APH1B: variants seen among roughly 807,000 people sequenced by gnomAD.
The protein encoded by APH1B is gamma-secretase subunit APH-1B.
A neutral mutation model predicts 28.2 loss-of-function variants in APH1B; 27 were observed. That is an observed-to-expected ratio of 0.96 (90% CI 0.70 to 1.32). The LOEUF (loss-of-function observed/expected upper bound fraction) is 1.32, where lower values mean the gene tolerates loss of function less well. APH1B is among the 40% of genes most tolerant of loss of function. APH1B has a pLI of 0.00. For missense variants in APH1B, 305 were observed against 313.6 expected, an observed-to-expected ratio of 0.97 and a Z score of 0.21; for synonymous variants, 141 against 124.6, an observed-to-expected ratio of 1.13 and a Z score of -0.88.
At position 63,309,095 on chromosome 15, in the gene APH1B, T is replaced by C. The variant is rs1255472467; in HGVS notation, c.*3314T>C. ...CTCTTTGCAGACCTGCATTTTTCAGTGAACAATAAAAAGATTGTCTGGCAC... is the reference window on the plus strand; with the variant it reads ...CTCTTTGCAGACCTGCATTTTTCAGCGAACAATAAAAAGATTGTCTGGCAC... On this transcript the variant is annotated 3_prime_UTR_variant, in exon 6 of 6. Coordinates refer to ENST00000261879, the MANE Select transcript of APH1B (RefSeq NM_031301.4). The C allele has an allele frequency of 6.6e-6, 1 of 152,230 alleles. No individual in the cohort carries two copies. The highest frequency in any genetic ancestry group is 1.5e-5 in the Non-Finnish European group (1 of 68,034). The allele number at this position is 152,230 out of a possible 1,614,324, so 9.4% of individuals were successfully genotyped here. A position where few individuals can be genotyped will look rare whatever the true frequency, so the allele number is the denominator to read the frequency against.
intron 2 of APH1B, among the ~76,000 whole-genome samples, chr15:63,280,252 A>G (rs1449619507): frequency 6.6e-6 from 1 of 152,216 alleles, no homozygotes; most frequent in African/African-American, 2.4e-5. Context: ...TGGGCCAGAA[A>G]GTAGGTCTTC....
chr15:63,280,556 T>C (rs1467150154), intron 2 of APH1B, among the ~76,000 whole-genome samples: 2 of 152,228 alleles, frequency 1.3e-5, no homozygotes, highest in Non-Finnish European at 2.9e-5. Context: ...TTGCTTTTAA[T>C]ACCAGATACT....
At chr15:63,298,717 C>G (rs573105465) in intron 4 of APH1B, among the ~76,000 whole-genome samples, 1 of 152,192 alleles carries the variant, frequency 6.6e-6, no homozygotes, top group African/African-American at 2.4e-5. Flanking sequence ...CTTGTAACAG[C>G]CCTATGTGGT....
At chr15:63,305,476 C>A in intron 5 of APH1B, 138 bp from the exon 6 acceptor site, 1 of 957,120 alleles carries the variant, frequency 1.0e-6, no homozygotes, top group Non-Finnish European at 1.5e-6. Flanking sequence ...AGGGCCTTAA[C>A]GCATGACACA....
At chr15:63,290,762 G>A (rs976626755) in intron 4 of APH1B, among the ~76,000 whole-genome samples, 4 of 152,316 alleles carry the variant, frequency 2.6e-5, no homozygotes, top group South Asian at 2.1e-4. Context: ...GTGCAAGGAC[G>A]ACATCTGTAT....
At chr15:63,282,501 GGCATGTGTGGTA>G (rs1449008235) in intron 2 of APH1B, among the ~76,000 whole-genome samples, 1 of 152,120 alleles carries the variant, frequency 6.6e-6, no homozygotes, top group Non-Finnish European at 1.5e-5. Context: ...AAGAGAAATT[GGCATGTGTGGTA>G]GCCCTTTCTG....
In APH1B at chr15:63,305,604, T is replaced by C; in HGVS notation, c.607-10T>C. 1 of 1,613,734 alleles carries C rather than the reference T, an allele frequency of 6.2e-7. No homozygotes were observed. The highest frequency in any genetic ancestry group is 2.2e-5 in the East Asian group (1 of 44,880). On this transcript the variant is annotated splice_polypyrimidine_tract_variant and intron_variant, in intron 5 of 5. Coordinates refer to ENST00000261879, the MANE Select transcript of APH1B (RefSeq NM_031301.4). ...GTTATTACCCAAGCTGATTTATTTT[T>C]CTTTTGCAGACCTTCATAAGTTCTT...
chr15:63,283,070 T>C (rs930967399), intron 2 of APH1B, among the ~76,000 whole-genome samples: 1 of 152,230 alleles, frequency 6.6e-6, no homozygotes. Flanking sequence ...TGTTTTGTAC[T>C]TTCTCACTTC....
chr15:63,301,769 T>C (rs1358963449), intron 4 of APH1B, among the ~76,000 whole-genome samples: 3 of 151,984 alleles, frequency 2.0e-5, no homozygotes, highest in Admixed American at 6.6e-5. Flanking sequence ...TGTGCCACCA[T>C]GCCTGGCTAA....
At chr15:63,298,858 G>T (rs1388541457) in intron 4 of APH1B, among the ~76,000 whole-genome samples, 1 of 150,430 alleles carries the variant, frequency 6.6e-6, no homozygotes, top group African/African-American at 2.5e-5. Flanking sequence ...ATAATCTTCA[G>T]GCCAGGCTGT....
chr15:63,293,965 A>G (rs936149102), intron 4 of APH1B, among the ~76,000 whole-genome samples: 1 of 150,898 alleles, frequency 6.6e-6, no homozygotes, highest in Non-Finnish European at 1.5e-5. Flanking sequence ...GGGTCTCACT[A>G]TGTTGTCCAG....
At chr15:63,292,069 T>G (rs2038511989) in intron 4 of APH1B, 1 of 152,228 alleles carries the variant, frequency 6.6e-6, no homozygotes, top group Admixed American at 6.5e-5. Context: ...TTTCTATTCG[T>G]AATATTTTAA....
At chr15:63,295,609 G>T (rs2038557416) in intron 4 of APH1B, among the ~76,000 whole-genome samples, 1 of 152,282 alleles carries the variant, frequency 6.6e-6, no homozygotes, top group African/African-American at 2.4e-5. Flanking sequence ...CTTGGTTGGG[G>T]GCTGACATGT....
chr15:63,303,328 T>C (rs1226956329), intron 5 of APH1B, among the ~76,000 whole-genome samples: 4 of 112,528 alleles, frequency 3.6e-5, no homozygotes, highest in African/African-American at 1.1e-4. Flanking sequence ...TGCCTTTTGG[T>C]ATTTCTGTCA....
intron 2 of APH1B, among the ~76,000 whole-genome samples, chr15:63,279,660 A>G (rs981985654): frequency 6.6e-6 from 1 of 152,218 alleles, no homozygotes; most frequent in Admixed American, 6.5e-5. Context: ...CAGACAATAA[A>G]TGAATGAACA....
chr15:63,305,536 T>G, intron 5 of APH1B, 78 bp from the exon 6 acceptor site: 1 of 1,521,476 alleles, frequency 6.6e-7, no homozygotes, highest in Non-Finnish European at 9.0e-7. Flanking sequence ...TATTCCATGC[T>G]TCCCTTTATC....
chr15:63,290,006 A>AG (rs1003818728), intron 4 of APH1B, among the ~76,000 whole-genome samples: 6 of 150,964 alleles, frequency 4.0e-5, no homozygotes. Context: ...CTGTTTCAAG[A>AG]GAAAAAAAAA....
chr15:63,300,845 A>G (rs1473879630), intron 4 of APH1B, among the ~76,000 whole-genome samples: 4 of 152,246 alleles, frequency 2.6e-5, no homozygotes, highest in Non-Finnish European at 4.4e-5. Context: ...TCTTTTCTAC[A>G]TAACATTAGA....
At chr15:63,284,457 G>C (rs1302535998) in intron 2 of APH1B, among the ~76,000 whole-genome samples, 1 of 152,124 alleles carries the variant, frequency 6.6e-6, no homozygotes, top group Admixed American at 6.5e-5. Flanking sequence ...CAAGTGACTT[G>C]TTTGCCTTGA....
Sources: gnomAD v4.1 joint callset for allele counts (sites outside exome capture counted in the v4.1 genomes callset) on GRCh38, gnomAD v4.1.1 for gene constraint, MANE v1.5 for transcripts, NCBI Gene and HGNC (gene_info 2026-07-23, HGNC 2026-07-21) for gene names.